The following SIPA1L3 variants were observed in gnomAD, a reference collection of about 807,000 sequenced individuals.
The protein encoded by SIPA1L3 is signal induced proliferation associated 1 like 3.
A neutral mutation model predicts 150.1 loss-of-function variants in SIPA1L3; 59 were observed. The ratio of observed to expected loss-of-function variants is 0.39; its 90% CI spans 0.32 to 0.49. The LOEUF is 0.49. Among genes scored for constraint, SIPA1L3 ranks in the 20% least tolerant of loss-of-function variants. The pLI, the probability that SIPA1L3 is intolerant of heterozygous loss-of-function variation, is 0.86. For synonymous variants in SIPA1L3, 1,070 were observed against 1,077.6 expected (o/e 0.99, Z 0.14); for missense variants, 2,211 against 2,489.5 (o/e 0.89, Z 2.38).
chr19:37,916,171 C>A (rs532066567), intron 1 of SIPA1L3, among the ~76,000 whole-genome samples: 1 of 151,846 alleles, frequency 6.6e-6, no homozygotes, highest in Admixed American at 6.6e-5. Flanking sequence ...GGATTACAGG[C>A]GCCCACCACC....
chr19:38,202,380 G>T (rs934239005), intron 20 of SIPA1L3, among the ~76,000 whole-genome samples: 1 of 152,104 alleles, frequency 6.6e-6, no homozygotes, highest in Non-Finnish European at 1.5e-5. Context: ...TTGAGGTCAG[G>T]AGTTCAAGAC....
At chr19:37,929,437 C>T (rs2046533751) in intron 1 of SIPA1L3, among the ~76,000 whole-genome samples, 1 of 152,204 alleles carries the variant, frequency 6.6e-6, no homozygotes, top group East Asian at 1.9e-4. Context: ...CAGGACTTAG[C>T]TTTTTGTTCT....
At chr19:38,122,976 C>T (rs1002816500) in intron 9 of SIPA1L3, among the ~76,000 whole-genome samples, 3 of 152,206 alleles carry the variant, frequency 2.0e-5, no homozygotes, top group Admixed American at 6.5e-5. Flanking sequence ...GTTATCTGTT[C>T]ACTGCCGTGT....
chr19:38,025,095 A>G (rs374634073), intron 1 of SIPA1L3, among the ~76,000 whole-genome samples: 2 of 151,924 alleles, frequency 1.3e-5, no homozygotes, highest in African/African-American at 2.4e-5. Context: ...CTTACCACCC[A>G]TCTGTTTCCG....
intron 1 of SIPA1L3, among the ~76,000 whole-genome samples, chr19:37,951,253 C>T (rs1168442230): frequency 6.6e-6 from 1 of 152,232 alleles, no homozygotes; most frequent in Admixed American, 6.5e-5. Context: ...ATACCCACAT[C>T]TTGAGGGGTT....
chr19:38,089,135 C>T (rs917228979), intron 4 of SIPA1L3, among the ~76,000 whole-genome samples: 1 of 151,996 alleles, frequency 6.6e-6, no homozygotes, highest in Non-Finnish European at 1.5e-5. Context: ...GCCTGACCAA[C>T]ATGGCGAAAC....
At chr19:38,178,086 GGTGT>G (rs765404105) in intron 15 of SIPA1L3, among the ~76,000 whole-genome samples, 5,716 of 130,764 alleles carry the variant, frequency 0.044, 137 homozygotes, top group Middle Eastern at 0.072. Flanking sequence ...GCAGGCTTTT[GGTGT>G]GTGTGTGTGT....
intron 1 of SIPA1L3, among the ~76,000 whole-genome samples, chr19:37,997,056 C>T (rs997921208): frequency 2.0e-5 from 3 of 152,052 alleles, no homozygotes; most frequent in African/African-American, 7.2e-5. Flanking sequence ...TATGCCTATC[C>T]AAGAAGGTGG....
At chr19:37,951,210 A>G (rs2046760949) in intron 1 of SIPA1L3, among the ~76,000 whole-genome samples, 1 of 152,248 alleles carries the variant, frequency 6.6e-6, no homozygotes, top group Non-Finnish European at 1.5e-5. Context: ...GATTTTTATA[A>G]TTGTACTGTG....
intron 1 of SIPA1L3, among the ~76,000 whole-genome samples, chr19:38,007,508 G>A (rs1034581842): frequency 6.6e-6 from 1 of 151,356 alleles, no homozygotes; most frequent in African/African-American, 2.4e-5. Context: ...GTAATTGCCC[G>A]GGGGAGGGGG....
At chr19:38,195,988 C>A (rs1972919741) in intron 18 of SIPA1L3, among the ~76,000 whole-genome samples, 1 of 152,112 alleles carries the variant, frequency 6.6e-6, no homozygotes, top group Non-Finnish European at 1.5e-5. Context: ...CTGCATCACA[C>A]AGCACACACA....
At position 38,081,826 on chromosome 19, in the gene SIPA1L3, G is replaced by T. The variant is rs1276248978; in HGVS notation, c.261G>T (p.Pro87=). ...MGVRARVADW[P]PKREALREHS... ...TGCGCGCAAGGGTGGCCGACTGGCC[G>T]CCCAAGCGGGAGGCCCTGAGAGAGC... The change falls in exon 3 of 22, where the codon CCG becomes CCT. Residue 87 remains proline (P), a synonymous_variant. Coordinates refer to ENST00000222345, the MANE Select transcript of SIPA1L3 (RefSeq NM_015073.3). The T allele has an allele frequency of 2.5e-6, 4 of 1,613,402 alleles. No homozygotes were observed. Among genetic ancestry groups the T allele is most frequent in the Middle Eastern group, 1.6e-4 (1 of 6,062 alleles).
At chr19:37,923,215 G>A (rs942179504) in intron 1 of SIPA1L3, among the ~76,000 whole-genome samples, 1 of 152,152 alleles carries the variant, frequency 6.6e-6, no homozygotes, top group Non-Finnish European at 1.5e-5. Flanking sequence ...AACAGGCAAA[G>A]GGCCTAGGAA....
intron 7 of SIPA1L3, among the ~76,000 whole-genome samples, chr19:38,107,317 G>T (rs1232440424): frequency 6.6e-6 from 1 of 152,204 alleles, no homozygotes. Context: ...CAAGCCCGAG[G>T]CTCATGCCCA....
rs1330420442 is a variant in SIPA1L3, at chr19:38,136,327, G to A, written c.3144-4857G>A. On this transcript the variant is annotated intron_variant, in intron 10 of 21. Transcript: ENST00000222345. ...ATCCTTAAAAAAAATTCAAGGGCCA[G>A]ACGCAGTGGCTCACACCTATAATCC... 2.0e-5 allele frequency among the ~76,000 whole-genome samples: 3 copies of A among 152,020 alleles called. No homozygotes were observed. In the East Asian group the frequency reaches 5.8e-4, roughly 30 times the overall value.
Position 38,130,626 on chromosome 19 carries a change from C to G in SIPA1L3, c.2997C>G (p.Ala999=). 1 of 1,613,766 alleles carries G rather than the reference C, an allele frequency of 6.2e-7. No homozygotes were observed. The highest frequency in any genetic ancestry group is 1.1e-5 in the South Asian group (1 of 91,086). The change falls in exon 10 of 22, where the codon GCC becomes GCG. Residue 999 remains alanine, a synonymous_variant. Transcript: ENST00000222345. ...AGGACTATGGGTTCGCCTGGCAGGCCGGCCTCCGGCAGGGCAGCCGACTAG... is the reference window on the plus strand; with the variant it reads ...AGGACTATGGGTTCGCCTGGCAGGCGGGCCTCCGGCAGGGCAGCCGACTAG... ...EVEDYGFAWQ[A]GLRQGSRLVE...
intron 10 of SIPA1L3, among the ~76,000 whole-genome samples, chr19:38,134,707 G>GA (rs3083628): frequency 0.17 from 15,107 of 90,694 alleles, 1,369 homozygotes; most frequent in Non-Finnish European, 0.22. Flanking sequence ...TCTGTTTCAG[G>GA]AAAAAAAAAA....
At position 38,164,996 on chromosome 19, in the gene SIPA1L3, G is replaced by A. The variant is rs1219860244; in HGVS notation, c.4208+90G>A. 1.4e-5 allele frequency: 17 copies of A among 1,242,950 alleles called. No homozygotes were observed. Among genetic ancestry groups the A allele is most frequent in the Non-Finnish European group, 1.6e-5 (15 of 920,230 alleles). The allele number at this position is 1,242,950 out of a possible 1,614,324, so 77.0% of individuals were successfully genotyped here. A position where few individuals can be genotyped will look rare whatever the true frequency, so the allele number is the denominator to read the frequency against. ...CCTGATGGTGGGGTTCTCCTCCCCA[G>A]AAACACACTCACGGATGAATGCGCC... is the stretch of plus-strand genomic sequence containing the variant. On this transcript the variant is annotated intron_variant, in intron 15 of 21. Coordinates refer to ENST00000222345, the MANE Select transcript of SIPA1L3 (RefSeq NM_015073.3). This position sits in a 1 kb window ranked among gnomAD's most constrained non-coding sequence, Gnocchi z 4.1.
At chr19:38,065,140 T>TG (rs1165420808) in intron 2 of SIPA1L3, among the ~76,000 whole-genome samples, 1 of 152,208 alleles carries the variant, frequency 6.6e-6, no homozygotes, top group African/African-American at 2.4e-5. Context: ...TTTAAGTATT[T>TG]GGGGTGATTA....
Sources: gnomAD v4.1 joint callset for allele counts (sites outside exome capture counted in the v4.1 genomes callset) on GRCh38, gnomAD v4.1.1 for gene constraint, Gnocchi (gnomAD v3.1) non-coding constraint, MANE v1.5 for transcripts, NCBI Gene and HGNC (gene_info 2026-07-23, HGNC 2026-07-21) for gene names.